Variants in NAV1 observed in about 807,000 individuals in gnomAD.
The protein encoded by NAV1 is neuron navigator 1, also known as pore membrane and/or filament interacting like protein 3.
A neutral mutation model predicts 175.2 loss-of-function variants in NAV1; 18 were observed. The ratio of observed to expected loss-of-function variants is 0.10; its 90% CI spans 0.07 to 0.15. The LOEUF (loss-of-function observed/expected upper bound fraction) is 0.15. NAV1 is among the 10% of genes least tolerant of loss of function. The probability of loss-of-function intolerance (pLI) is 1.00; values close to 1 mark genes in which losing one functional copy is unlikely to be tolerated. For synonymous variants in NAV1, 897 were observed against 978.7 expected (o/e 0.92, Z 1.56); for missense variants, 1,731 against 2,436.6 (o/e 0.71, Z 6.10).
In NAV1 at chr1:201,740,009, C is replaced by G. The variant is rs1050072662; in HGVS notation, c.1226+21254C>G. Reference sequence around the variant, plus strand: ...TGGGTGCCCACCCGGTGAATGGCCGCCTGAGCCGGGGAAGATGCTTCATCT... The same window carrying G: ...TGGGTGCCCACCCGGTGAATGGCCGGCTGAGCCGGGGAAGATGCTTCATCT... On this transcript the variant is annotated intron_variant, in intron 3 of 29. Transcript: ENST00000367296. This position sits in a 1 kb window ranked among gnomAD's most constrained non-coding sequence, Gnocchi z 4.7. 1 of 1,473,702 alleles carries G rather than the reference C, an allele frequency of 6.8e-7. No homozygotes were observed. The highest frequency in any genetic ancestry group is 1.4e-5 in the South Asian group (1 of 73,776). 91.3% of individuals were successfully genotyped at this position (1,473,702 alleles called of 1,614,324 possible). A position where few individuals can be genotyped will look rare whatever the true frequency, so the allele number is the denominator to read the frequency against.
chr1:201,784,555 C>G (rs1676569428), intron 7 of NAV1, among the ~76,000 whole-genome samples: 1 of 148,646 alleles, frequency 6.7e-6, no homozygotes, highest in Non-Finnish European at 1.5e-5. Flanking sequence ...TTTTTACCTA[C>G]CATAATACGA....
intron 4 of NAV1, 67 bp from the exon 9 acceptor site, chr1:201,780,945 C>T (rs1452667034): frequency 2.7e-6 from 4 of 1,501,058 alleles, no homozygotes; most frequent in Non-Finnish European, 3.6e-6. Context: ...TAAAATCAAT[C>T]CTGTCAGCTA....
At chr1:201,542,720 C>T (rs1332801454) in intron 1 of NAV1, among the ~76,000 whole-genome samples, 1 of 152,168 alleles carries the variant, frequency 6.6e-6, no homozygotes, top group African/African-American at 2.4e-5. Flanking sequence ...ACCACCCCAT[C>T]AAATCTATTT....
At chr1:201,555,297 G>A (rs1665979312) in intron 1 of NAV1, among the ~76,000 whole-genome samples, 1 of 152,234 alleles carries the variant, frequency 6.6e-6, no homozygotes, top group African/African-American at 2.4e-5. Flanking sequence ...GGTAAGGCAA[G>A]AATCAGGGGA....
At chr1:201,794,227 C>G (rs1677291085) in intron 14 of NAV1, 1 of 631,688 alleles carries the variant, frequency 1.6e-6, no homozygotes, top group Admixed American at 2.1e-5. Context: ...TCTTGGCTAA[C>G]TGCAAACTCT....
At chr1:201,777,306 C>G (rs1208771726) in intron 3 of NAV1, among the ~76,000 whole-genome samples, 2 of 152,104 alleles carry the variant, frequency 1.3e-5, no homozygotes, top group Non-Finnish European at 2.9e-5. Flanking sequence ...GAGCAAACAG[C>G]TAGAAGATAT....
chr1:201,623,020 C>G (rs1668221511), exon 1 of NAV1: 1 of 986,028 alleles, frequency 1.0e-6, no homozygotes, highest in African/African-American at 1.7e-5. Context: ...CCAGGCCGGC[C>G]TGGCCCTGAG....
chr1:201,785,788 CTTTT>C (rs34841837), intron 8 of NAV1, among the ~76,000 whole-genome samples: 7 of 99,568 alleles, frequency 7.0e-5, no homozygotes, highest in African/African-American at 1.2e-4. Context: ...ACTATTGCAA[CTTTT>C]TTTTTTTTTT....
At chr1:201,817,043 A>C (rs763676707) in intron 28 of NAV1, 45 bp from the exon 33 acceptor site, 16 of 1,575,234 alleles carry the variant, frequency 1.0e-5, no homozygotes, top group Non-Finnish European at 1.3e-5. Flanking sequence ...ACAAGCCTCT[A>C]ATCTGTTAAT....
chr1:201,716,803 G>A (rs780363141), intron 2 of NAV1, among the ~76,000 whole-genome samples: 6 of 152,228 alleles, frequency 3.9e-5, no homozygotes, highest in East Asian at 3.8e-4. Context: ...ACTTGAGCTC[G>A]GGAGGTCAAG....
chr1:201,762,607 G>A (rs1230792756), intron 3 of NAV1, among the ~76,000 whole-genome samples: 1 of 152,214 alleles, frequency 6.6e-6, no homozygotes, highest in African/African-American at 2.4e-5. Context: ...CTGCTTTTGT[G>A]CTACAATGGC....
chr1:201,544,444 A>T (rs1175286670), intron 1 of NAV1, among the ~76,000 whole-genome samples: 1 of 152,254 alleles, frequency 6.6e-6, no homozygotes, highest in Non-Finnish European at 1.5e-5. Context: ...CAAAGTTGGA[A>T]AGAAACTTAA....
chr1:201,659,028 G>C (rs1260363125), intron 1 of NAV1, among the ~76,000 whole-genome samples: 1 of 152,212 alleles, frequency 6.6e-6, no homozygotes, highest in Non-Finnish European at 1.5e-5. Context: ...GTGAGGTGCA[G>C]TGCTCTGCCC....
chr1:201,595,453 A>G (rs910468213), intron 2 of NAV1, among the ~76,000 whole-genome samples: 2 of 152,202 alleles, frequency 1.3e-5, no homozygotes, highest in African/African-American at 4.8e-5. Context: ...CTCAGTGGCT[A>G]TCCTTTCTTC....
Position 201,600,845 on chromosome 1 carries a change from C to T in NAV1, c.-33+12196C>T, listed in dbSNP as rs142669892. Among the ~76,000 whole-genome samples, 159 of 152,322 alleles carry T rather than the reference C, an allele frequency of 1.0e-3. 1 individual carries two copies. The highest frequency in any genetic ancestry group is 2.0e-3 in the Non-Finnish European group (133 of 68,030). ...ACAATCCTCTAGCACTTGAGAGATT[C>T]CCTACCTGAAGTCTGGCTCTGGAAG... On this transcript the variant is annotated intron_variant, in intron 2 of 33. Transcript: ENST00000685211.
At chr1:201,716,763 C>G (rs1026104072) in intron 2 of NAV1, among the ~76,000 whole-genome samples, 2 of 152,212 alleles carry the variant, frequency 1.3e-5, no homozygotes, top group African/African-American at 2.4e-5. Flanking sequence ...CCTGTCGTCC[C>G]TGCTACTTTG....
chr1:201,695,699 G>A (rs543698453), intron 1 of NAV1, among the ~76,000 whole-genome samples: 13 of 152,312 alleles, frequency 8.5e-5, no homozygotes, highest in African/African-American at 3.1e-4. Context: ...CTTGGGCAAG[G>A]GCTGAGAGAA....
intron 3 of NAV1, among the ~76,000 whole-genome samples, chr1:201,768,333 GAAAA>G (rs57027212): frequency 8.5e-5 from 9 of 105,670 alleles, no homozygotes; most frequent in African/African-American, 1.6e-4. Context: ...CCGTCTCAGA[GAAAA>G]AAAAAAAAAA....
exon 7 of NAV1, chr1:201,783,576 C>T: frequency 6.2e-7 from 1 of 1,614,178 alleles, no homozygotes; most frequent in Non-Finnish European, 8.5e-7. Flanking sequence ...TGCTTCACCC[C>T]CAGTCCGGCA....
Sources: gnomAD v4.1 joint callset for allele counts (sites outside exome capture counted in the v4.1 genomes callset) on GRCh38, gnomAD v4.1.1 for gene constraint, Gnocchi (gnomAD v3.1) non-coding constraint, MANE v1.5 for transcripts, NCBI Gene and HGNC (gene_info 2026-07-23, HGNC 2026-07-21) for gene names.